The following PDE1A variants were observed in gnomAD, a reference collection of about 807,000 sequenced individuals.
PDE1A encodes the protein dual specificity calcium/calmodulin-dependent 3',5'-cyclic nucleotide phosphodiesterase 1A.
PDE1A carries 35 observed loss-of-function variants against 61.7 expected under a neutral mutation model. The observed-to-expected ratio is 0.57, with a 90% CI of 0.43 to 0.75. PDE1A has a LOEUF of 0.75. Ranked by LOEUF, PDE1A falls within the 30% of genes least tolerant of loss-of-function variation. PDE1A has a pLI of 0.00. For synonymous variants in PDE1A, 232 were observed against 213.2 expected (o/e 1.09, Z -0.77); for missense variants, 597 against 630.6 (o/e 0.95, Z 0.57).
At chr2:182,593,569 A>T in the PDE1A span, among the ~76,000 whole-genome samples, 1 of 152,114 alleles carries the variant, frequency 6.6e-6, no homozygotes, top group Non-Finnish European at 1.5e-5. Context: ...CGTGGGAGGG[A>T]ATTTGTGTTG....
At chr2:182,237,316 AC>A (rs1690100135) in intron 3 of PDE1A, among the ~76,000 whole-genome samples, 1 of 152,072 alleles carries the variant, frequency 6.6e-6, no homozygotes, top group Non-Finnish European at 1.5e-5. Flanking sequence ...AACATGGGAA[AC>A]CCTGTCTCTA....
downstream of PDE1A, among the ~76,000 whole-genome samples, chr2:182,144,706 G>T (rs909852517): frequency 6.6e-6 from 1 of 152,202 alleles, no homozygotes; most frequent in Non-Finnish European, 1.5e-5. Flanking sequence ...TTAGCTATCA[G>T]TCACAAAGAA....
intron 1 of PDE1A, among the ~76,000 whole-genome samples, chr2:182,274,667 C>A (rs899096529): frequency 2.0e-5 from 3 of 152,158 alleles, no homozygotes; most frequent in African/African-American, 7.2e-5. Context: ...ATTTTAGACT[C>A]CAATTTGATT....
chr2:182,508,900 A>G (rs1207253090), intron 2 of PDE1A, among the ~76,000 whole-genome samples: 21 of 150,274 alleles, frequency 1.4e-4, no homozygotes, highest in East Asian at 3.9e-4. Context: ...ATGCTGGTGC[A>G]CTGCACCCAC....
chr2:182,149,030 GT>G (rs985365036), intron 13 of PDE1A, among the ~76,000 whole-genome samples: 4 of 151,774 alleles, frequency 2.6e-5, no homozygotes, highest in Admixed American at 2.6e-4. Flanking sequence ...TCAAAAATCA[GT>G]TTTTTTCTGA....
At chr2:182,346,814 C>T (rs777993124) in intron 1 of PDE1A, among the ~76,000 whole-genome samples, 13 of 152,062 alleles carry the variant, frequency 8.5e-5, no homozygotes, top group Non-Finnish European at 1.9e-4. Context: ...AAATGACAAT[C>T]CTATGATCAC....
chr2:182,234,914 A>G (rs996508302), intron 3 of PDE1A, among the ~76,000 whole-genome samples: 1 of 152,156 alleles, frequency 6.6e-6, no homozygotes, highest in Non-Finnish European at 1.5e-5. Context: ...TATTTCCTTT[A>G]TATTTTTATA....
chr2:182,168,338 T>G (rs1366435604), intron 13 of PDE1A: 3 of 1,503,572 alleles, frequency 2.0e-6, no homozygotes, highest in Non-Finnish European at 2.7e-6. Context: ...GAGAAAATGC[T>G]GTAAAGAAGT....
chr2:182,187,737 CTTTT>C (rs1038970569), intron 11 of PDE1A, among the ~76,000 whole-genome samples: 7 of 66,380 alleles, frequency 1.1e-4, no homozygotes, highest in Admixed American at 4.6e-4. Flanking sequence ...TTTTTTTGTT[CTTTT>C]TTTTTTTTTT....
chr2:182,164,489 A>G (rs1433769061), downstream of PDE1A, among the ~76,000 whole-genome samples: 6 of 152,144 alleles, frequency 3.9e-5, no homozygotes, highest in Non-Finnish European at 7.4e-5. Context: ...ATACTCACCA[A>G]AAGGTGACCT....
intron 1 of PDE1A, among the ~76,000 whole-genome samples, chr2:182,398,252 T>C (rs1217400467): frequency 1.3e-5 from 2 of 152,008 alleles, no homozygotes; most frequent in African/African-American, 4.8e-5. Context: ...ATATTTAATA[T>C]TCATACTGGA....
intron 2 of PDE1A, among the ~76,000 whole-genome samples, chr2:182,255,181 A>G (rs987682916): frequency 6.6e-6 from 1 of 152,224 alleles, no homozygotes; most frequent in Non-Finnish European, 1.5e-5. Flanking sequence ...TTTGTGCCCT[A>G]GATCAACCTG....
At chr2:182,260,712 A>T (rs1432024772) in intron 2 of PDE1A, among the ~76,000 whole-genome samples, 1 of 152,194 alleles carries the variant, frequency 6.6e-6, no homozygotes, top group African/African-American at 2.4e-5. Context: ...AGCCACATGA[A>T]ACTACTGAAG....
chr2:182,702,854 A>G, the PDE1A span, among the ~76,000 whole-genome samples: 1 of 152,206 alleles, frequency 6.6e-6, no homozygotes, highest in Non-Finnish European at 1.5e-5. Flanking sequence ...TTTTTGTTAG[A>G]AGTGAAATGA....
At chr2:182,560,408 G>A in the PDE1A span, among the ~76,000 whole-genome samples, 1 of 151,184 alleles carries the variant, frequency 6.6e-6, no homozygotes, top group Non-Finnish European at 1.5e-5. Context: ...ATTTTTTATG[G>A]CTGCATAGTA....
the PDE1A span, among the ~76,000 whole-genome samples, chr2:182,637,177 G>A: frequency 1.3e-5 from 2 of 152,080 alleles, no homozygotes; most frequent in South Asian, 2.1e-4. Context: ...CTGGTGATAG[G>A]GCATGAGAAT....
At chr2:182,269,451 T>C (rs1003715196) in intron 1 of PDE1A, among the ~76,000 whole-genome samples, 1 of 151,738 alleles carries the variant, frequency 6.6e-6, no homozygotes, top group African/African-American at 2.4e-5. Context: ...TCGCCACGAT[T>C]GCACTCCAGC....
chr2:182,174,544 C>T (rs1176892242), intron 13 of PDE1A, among the ~76,000 whole-genome samples: 1 of 151,992 alleles, frequency 6.6e-6, no homozygotes, highest in African/African-American at 2.4e-5. Context: ...AAGTTCTCTG[C>T]ATTACACACT....
chr2:182,463,968 C>A lies in PDE1A; in HGVS notation c.101+58308G>T, dbSNP rs1004123300. 7.2e-5 allele frequency among the ~76,000 whole-genome samples: 11 copies of A among 152,170 alleles called. No individual in the cohort carries two copies. The East Asian group carries it at 2.1e-3, about 29-fold the overall frequency. On this transcript the variant is annotated intron_variant, in intron 2 of 14. Transcript: ENST00000410103. ...GGCAAGGATATGAAGCTGGTAATGA[C>A]GAGGGAAGAACTGCTTCTATGCCAG... is the stretch of plus-strand genomic sequence containing the variant.
Sources: allele counts gnomAD v4.1 joint callset (sites outside exome capture counted in the v4.1 genomes callset), GRCh38; gene constraint gnomAD v4.1.1; transcripts MANE v1.5; gene names NCBI Gene and HGNC (gene_info 2026-07-23, HGNC 2026-07-21).